THSD7B: variants seen among roughly 807,000 people sequenced by gnomAD.
THSD7B encodes the protein thrombospondin type 1 domain containing 7B.
Under a neutral mutation model 213.6 loss-of-function variants are expected in THSD7B, and 138 were observed. The ratio of observed to expected loss-of-function variants is 0.65; its 90% CI spans 0.56 to 0.74. The LOEUF (loss-of-function observed/expected upper bound fraction) is 0.74. Among genes scored for constraint, THSD7B ranks in the 30% least tolerant of loss-of-function variants. The probability of loss-of-function intolerance (pLI) is 0.00; values close to 1 mark genes in which losing one functional copy is unlikely to be tolerated. For synonymous variants in THSD7B, 742 were observed against 687.0 expected (o/e 1.08, Z -1.25); for missense variants, 1,931 against 1,991.5 (o/e 0.97, Z 0.58).
rs890367778 is a variant in THSD7B at position 136,882,147 on chromosome 2, T to C, written c.-32T>C. ...GATTTTTCTTTTTCTCTTTTAGGAATAGGCAAGTCAAGAGGCTGAAAAATC... is the reference window on the plus strand; with the variant it reads ...GATTTTTCTTTTTCTCTTTTAGGAACAGGCAAGTCAAGAGGCTGAAAAATC... On this transcript the variant is annotated 5_prime_UTR_variant, in exon 2 of 28. An upstream open reading frame in the 5' UTR loses its in-frame stop. Transcript: ENST00000409968. 4 of 1,471,888 alleles carry C rather than the reference T, an allele frequency of 2.7e-6. No homozygotes were observed. Among genetic ancestry groups the C allele is most frequent in the East Asian group, 2.7e-5 (1 of 37,668 alleles). The allele number at this position is 1,471,888 out of a possible 1,614,324, so 91.2% of individuals were successfully genotyped here. A position where few individuals can be genotyped will look rare whatever the true frequency, so the allele number is the denominator to read the frequency against.
At chr2:136,793,437 T>C (rs369377683) in intron 1 of THSD7B, among the ~76,000 whole-genome samples, 9 of 152,044 alleles carry the variant, frequency 5.9e-5, no homozygotes, top group African/African-American at 2.2e-4. Flanking sequence ...TTGGAAGTCC[T>C]TTATCATATA....
chr2:137,389,801 T>G (rs1685980086), intron 12 of THSD7B, among the ~76,000 whole-genome samples: 1 of 152,144 alleles, frequency 6.6e-6, no homozygotes, highest in Non-Finnish European at 1.5e-5. Flanking sequence ...TATTCAGTTG[T>G]CCAGCACAAT....
chr2:137,366,965 G>A (rs926123409), intron 12 of THSD7B, among the ~76,000 whole-genome samples: 1 of 151,998 alleles, frequency 6.6e-6, no homozygotes, highest in Non-Finnish European at 1.5e-5. Flanking sequence ...AAGGATGTTT[G>A]TTTTCCGTAT....
At chr2:136,855,976 A>G (rs1683175601) in intron 1 of THSD7B, among the ~76,000 whole-genome samples, 1 of 92,568 alleles carries the variant, frequency 1.1e-5, no homozygotes, top group South Asian at 4.1e-4. Flanking sequence ...CTTGAATGTC[A>G]CCTTCTCAAG....
intron 12 of THSD7B, among the ~76,000 whole-genome samples, chr2:137,333,983 TG>T (rs1475998687): frequency 3.3e-5 from 5 of 152,208 alleles, no homozygotes; most frequent in African/African-American, 4.8e-5. Flanking sequence ...TAGATATTTT[TG>T]GTCTCAGAAA....
At chr2:137,297,274 ACT>A (rs1302934671) in intron 12 of THSD7B, among the ~76,000 whole-genome samples, 1 of 148,660 alleles carries the variant, frequency 6.7e-6, no homozygotes, top group East Asian at 2.0e-4. Flanking sequence ...ACAGAGCAAG[ACT>A]CTGTTCCTAA....
At chr2:137,480,014 T>A (rs890705385) in intron 15 of THSD7B, among the ~76,000 whole-genome samples, 1 of 152,210 alleles carries the variant, frequency 6.6e-6, no homozygotes, top group African/African-American at 2.4e-5. Flanking sequence ...GTCTTTCATT[T>A]ACCCTTTTCC....
At chr2:136,826,640 A>G (rs1682650647) in intron 1 of THSD7B, among the ~76,000 whole-genome samples, 1 of 151,956 alleles carries the variant, frequency 6.6e-6, no homozygotes, top group African/African-American at 2.4e-5. Flanking sequence ...TAGATTCTTC[A>G]TTCATGATGC....
chr2:137,350,371 T>A (rs1190623548), intron 12 of THSD7B, among the ~76,000 whole-genome samples: 1 of 151,702 alleles, frequency 6.6e-6, no homozygotes, highest in Non-Finnish European at 1.5e-5. Context: ...AGTAATGCTA[T>A]GTGTAAATCC....
At chr2:137,032,968 A>G (rs1686702915) in intron 2 of THSD7B, among the ~76,000 whole-genome samples, 1 of 152,208 alleles carries the variant, frequency 6.6e-6, no homozygotes, top group Non-Finnish European at 1.5e-5. Flanking sequence ...TCAAATGGAA[A>G]TATCTCTAAA....
At chr2:137,354,438 A>G (rs1347048272) in intron 12 of THSD7B, among the ~76,000 whole-genome samples, 1 of 152,172 alleles carries the variant, frequency 6.6e-6, no homozygotes. Context: ...AATCGTATTC[A>G]TAGTTTGACC....
At chr2:137,554,196 G>A (rs1157908238) in intron 15 of THSD7B, among the ~76,000 whole-genome samples, 6 of 151,898 alleles carry the variant, frequency 4.0e-5, no homozygotes, top group Non-Finnish European at 8.8e-5. Flanking sequence ...TCATGGAGTG[G>A]GACTGTTTTC....
intron 5 of THSD7B, among the ~76,000 whole-genome samples, chr2:137,145,719 A>G (rs1379579917): frequency 6.6e-6 from 1 of 152,104 alleles, no homozygotes; most frequent in African/African-American, 2.4e-5. Flanking sequence ...GCTAAAAAAA[A>G]GATTGCTGCA....
chr2:137,073,462 T>C (rs1033938977), intron 3 of THSD7B, among the ~76,000 whole-genome samples: 14 of 151,754 alleles, frequency 9.2e-5, no homozygotes, highest in Non-Finnish European at 8.9e-5. Context: ...CCATTGCATC[T>C]ATTTGATTCT....
chr2:137,131,742 T>TCTGTTTTGGTACCAGTACCATG, intron 5 of THSD7B, among the ~76,000 whole-genome samples: 5 of 152,196 alleles, frequency 3.3e-5, no homozygotes, highest in African/African-American at 1.2e-4. Flanking sequence ...GGTCTATATC[T>TCTGTTTTGGTACCAGTACCATG]CTGTTTTGGT....
At chr2:137,068,031 G>A (rs1009443052) in intron 3 of THSD7B, among the ~76,000 whole-genome samples, 3 of 151,974 alleles carry the variant, frequency 2.0e-5, no homozygotes, top group African/African-American at 7.2e-5. Flanking sequence ...TCTGGTCCTG[G>A]TTCTAGTAGT....
At chr2:137,529,697 T>C (rs759268008) in intron 15 of THSD7B, among the ~76,000 whole-genome samples, 2 of 151,926 alleles carry the variant, frequency 1.3e-5, no homozygotes, top group Admixed American at 6.6e-5. Context: ...TTAAGCTTTT[T>C]AATAAGATTA....
intron 15 of THSD7B, among the ~76,000 whole-genome samples, chr2:137,469,145 G>A (rs1448135592): frequency 6.6e-6 from 1 of 151,950 alleles, no homozygotes; most frequent in Non-Finnish European, 1.5e-5. Flanking sequence ...CTCACCCTTG[G>A]GATTACAGGG....
In THSD7B at chr2:137,532,334, T is replaced by C. The variant is rs1312778551; in HGVS notation, c.3139-30887T>C. 2.6e-5 allele frequency among the ~76,000 whole-genome samples: 4 copies of C among 152,008 alleles called. No homozygotes were observed. The East Asian group carries it at 7.8e-4, about 30-fold the overall frequency. ...GATTCCTAAAACAGAAATTCTTTGATCTTTGGTACTACTAATCATTGAAGA... is the reference window on the plus strand; with the variant it reads ...GATTCCTAAAACAGAAATTCTTTGACCTTTGGTACTACTAATCATTGAAGA... On this transcript the variant is annotated intron_variant, in intron 15 of 27. Transcript: ENST00000409968.
Sources: allele counts gnomAD v4.1 joint callset (sites outside exome capture counted in the v4.1 genomes callset), GRCh38; gene constraint gnomAD v4.1.1; transcripts MANE v1.5; gene names NCBI Gene and HGNC (gene_info 2026-07-23, HGNC 2026-07-21).